The following NXF1 variants were observed in gnomAD, a reference collection of about 807,000 sequenced individuals.
The protein encoded by NXF1 is nuclear RNA export factor 1.
NXF1 carries 43 observed loss-of-function variants against 92.4 expected under a neutral mutation model. That is an observed-to-expected ratio of 0.47 (90% confidence interval 0.36 to 0.60). The LOEUF is 0.60. NXF1 is among the 20% of genes least tolerant of loss of function. The pLI, the probability that NXF1 is intolerant of heterozygous loss-of-function variation, is 0.00. For missense variants in NXF1, 576 were observed against 793.0 expected (o/e 0.73, Z 3.29); for synonymous variants, 288 against 292.2 (o/e 0.99, Z 0.15).
At chr11:62,793,819 T>TA (rs56389050) in intron 19 of NXF1, among the ~76,000 whole-genome samples, 7,046 of 86,474 alleles carry the variant, frequency 0.081, 281 homozygotes, top group African/African-American at 0.11. Context: ...CCGTCTCTAC[T>TA]AAAAAAAAAA....
intron 6 of NXF1, 26 bp from the exon 7 acceptor site, chr11:62,801,657 G>A (rs752177183): frequency 2.5e-6 from 4 of 1,613,380 alleles, no homozygotes; most frequent in Non-Finnish European, 3.4e-6. Flanking sequence ...GGGTTTAGTG[G>A]TCACTGGGTT....
chr11:62,794,104 C>T (rs922257431), intron 19 of NXF1, among the ~76,000 whole-genome samples, 154 bp downstream of exon 19: 3 of 151,840 alleles, frequency 2.0e-5, no homozygotes, highest in African/African-American at 7.3e-5. Context: ...GAATTAGAGG[C>T]TACAGTGAGT....
chr11:62,805,230 G>T, intron 1 of NXF1, 99 bp downstream of exon 1: 1 of 1,198,494 alleles, frequency 8.3e-7, no homozygotes, highest in Non-Finnish European at 1.1e-6. Context: ...GCGGACGCCG[G>T]GCCCCTAGCG....
intron 19 of NXF1, among the ~76,000 whole-genome samples, chr11:62,792,953 G>T (rs573010773): frequency 2.0e-5 from 3 of 152,210 alleles, no homozygotes; most frequent in East Asian, 3.9e-4. Context: ...TGTTCATGGT[G>T]TAAGTAAAGA....
chr11:62,795,198 C>G, intron 17 of NXF1, 191 bp from the exon 18 acceptor site: 1 of 557,938 alleles, frequency 1.8e-6, no homozygotes, highest in South Asian at 2.3e-5. Flanking sequence ...ATAACTACGG[C>G]CGGGCACAGT....
At position 62,802,165 on chromosome 11, in the gene NXF1, G is replaced by T. The variant is rs1446035686; in HGVS notation, c.453+12C>A. 6.2e-7 allele frequency: 1 copy of T among 1,613,622 alleles called. No individual in the cohort carries two copies. Among genetic ancestry groups the T allele is most frequent in the Admixed American group, 1.7e-5 (1 of 59,998 alleles). The stretch of plus-strand genomic sequence containing the variant: ...GGTGCCTGGCCAGCCAGCCACTCAG[G>T]CCTTGTCTTACCTCAATAGGGGTGA... On this transcript the variant is annotated intron_variant, in intron 4 of 20. Coordinates refer to ENST00000294172, the MANE Select transcript of NXF1 (RefSeq NM_006362.5).
At position 62,802,177 on chromosome 11, in the gene NXF1, C is replaced by G; in HGVS notation, c.453G>C (p.Glu151Asp). 2 of 1,614,144 alleles carry G rather than the reference C, an allele frequency of 1.2e-6. No individual in the cohort carries two copies. The highest frequency in any genetic ancestry group is 1.7e-6 in the Non-Finnish European group (2 of 1,179,978). ...SKCSVPFTPI[E>D]FHYENTRAQF... ...GCCAGCCACTCAGGCCTTGTCTTAC[C>G]TCAATAGGGGTGAAGGGCACACTGC... Residue 151 changes from glutamate to aspartate, a missense_variant and splice_region_variant, in exon 4 of 21, where the codon GAG (glutamate) becomes GAC (aspartate). Glu to Asp is a conservative substitution (Grantham distance 45). This residue lies in a region of NXF1 where 425 missense variants were observed against 635.2 expected (regional missense o/e 0.67). Coordinates refer to ENST00000294172, the MANE Select transcript of NXF1 (RefSeq NM_006362.5).
At position 62,804,115 on chromosome 11, in the gene NXF1, T is replaced by A. The variant is rs754657602; in HGVS notation, c.29-137A>T. 1.9e-6 allele frequency: 3 copies of A among 1,563,608 alleles called. No individual in the cohort carries two copies. The South Asian group carries it at 3.4e-5, about 18-fold the overall frequency. On this transcript the variant is annotated intron_variant, in intron 1 of 20. Coordinates refer to ENST00000294172, the MANE Select transcript of NXF1 (RefSeq NM_006362.5). ...GAGGCCATCTCCATGCAAACTCCGC[T>A]CCCTATCCACAGGAAAGAACCCTCT...
chr11:62,804,488 C>T (rs1470516468), intron 1 of NXF1, among the ~76,000 whole-genome samples: 2 of 152,134 alleles, frequency 1.3e-5, no homozygotes, highest in African/African-American at 2.4e-5. Flanking sequence ...AGTGGCAGTG[C>T]CAGGCTAGGG....
intron 1 of NXF1, chr11:62,805,105 C>A (rs1384386920): frequency 2.5e-6 from 1 of 392,800 alleles, no homozygotes; most frequent in Non-Finnish European, 4.5e-6. Context: ...CACCCTACCC[C>A]CGAGCCATCC....
At chr11:62,798,954 T>G in intron 10 of NXF1, 1 of 1,050,250 alleles carries the variant, frequency 9.5e-7, no homozygotes, top group Non-Finnish European at 1.1e-6. Context: ...TCACCAGGTA[T>G]CCATCAGTTC....
intron 2 of NXF1, 44 bp from the exon 3 acceptor site, chr11:62,803,616 G>C (rs767785508): frequency 1.8e-5 from 29 of 1,611,746 alleles, no homozygotes; most frequent in Non-Finnish European, 2.4e-5. Context: ...TGCTAGGAAA[G>C]TCTTCTCAAA....
chr11:62,796,639 G>T, intron 13 of NXF1, 72 bp from the exon 14 acceptor site: 1 of 1,030,888 alleles, frequency 9.7e-7, no homozygotes, highest in East Asian at 2.5e-5. Context: ...TAGCTCCCAA[G>T]AGTGAGTTGT....
At chr11:62,796,842 G>T in intron 13 of NXF1, 2 of 538,848 alleles carry the variant, frequency 3.7e-6, no homozygotes, top group South Asian at 4.3e-5. Context: ...GAAGAGGCAG[G>T]TGGATCATGA....
In NXF1 at chr11:62,792,292, G is replaced by A; in HGVS notation, c.*184C>T. Reference sequence around the variant, plus strand: ...AGTAAGCTTTGGCTTCCTGGCACCAGTGAGGCTCAATCTTCTGAAGTCTTC... The same window carrying A: ...AGTAAGCTTTGGCTTCCTGGCACCAATGAGGCTCAATCTTCTGAAGTCTTC... On this transcript the variant is annotated 3_prime_UTR_variant, in exon 21 of 21. Transcript: ENST00000294172. The A allele has an allele frequency of 1.3e-6, 1 of 777,484 alleles. No individual in the cohort carries two copies. Among genetic ancestry groups the A allele is most frequent in the Non-Finnish European group, 2.2e-6 (1 of 461,944 alleles). The allele number at this position is 777,484 out of a possible 1,614,324, so 48.2% of individuals were successfully genotyped here. A position where few individuals can be genotyped will look rare whatever the true frequency, so the allele number is the denominator to read the frequency against.
At chr11:62,799,489 G>A (rs1444112453) in intron 10 of NXF1, 132 of 985,740 alleles carry the variant, frequency 1.3e-4, no homozygotes, top group Non-Finnish European at 1.5e-4. Flanking sequence ...CACCTCTGTT[G>A]CCCCCAAGTT....
intron 10 of NXF1, chr11:62,799,402 A>G: frequency 1.0e-6 from 1 of 985,716 alleles, no homozygotes; most frequent in Non-Finnish European, 1.2e-6. Flanking sequence ...CAAAGCAGCC[A>G]TGGGGGCAGG....
intron 2 of NXF1, 64 bp from the exon 3 acceptor site, chr11:62,803,636 G>A (rs527239479): frequency 6.3e-7 from 1 of 1,589,816 alleles, no homozygotes; most frequent in Non-Finnish European, 8.6e-7. Context: ...AGGCCTTCCT[G>A]CACTGTTAGT....
intron 10 of NXF1, chr11:62,799,766 C>CA: frequency 1.5e-5 from 15 of 985,838 alleles, no homozygotes; most frequent in Non-Finnish European, 1.8e-5. Flanking sequence ...TTGGGGAACC[C>CA]AGGTTTCTTC....
Sources: gnomAD v4.1 joint callset for allele counts (sites outside exome capture counted in the v4.1 genomes callset) on GRCh38, gnomAD v4.1.1 for gene constraint, gnomAD v4.1.1 regional missense constraint, MANE v1.5 for transcripts, NCBI Gene and HGNC (gene_info 2026-07-23, HGNC 2026-07-21) for gene names.